Variants in FBXO36 observed in about 807,000 individuals in gnomAD.
The protein encoded by FBXO36 is F-box only protein 36.
Under a neutral mutation model 17.0 loss-of-function variants are expected in FBXO36, and 18 were observed. The observed-to-expected ratio is 1.06, with a 90% CI of 0.73 to 1.57. The LOEUF (loss-of-function observed/expected upper bound fraction) is 1.57. FBXO36 is among the 40% of genes most tolerant of loss of function. The pLI is 0.00. For missense variants in FBXO36, 229 were observed against 221.9 expected (o/e 1.03, Z -0.20); for synonymous variants, 83 against 85.3 (o/e 0.97, Z 0.15).
chr2:229,958,375 A>G (rs1309521482), intron 1 of FBXO36, among the ~76,000 whole-genome samples: 4 of 148,924 alleles, frequency 2.7e-5, no homozygotes, highest in African/African-American at 1.0e-4. Flanking sequence ...GGTTCAAGCA[A>G]TTTTCCTGCG....
chr2:229,960,532 CCA>C (rs1381865392), intron 1 of FBXO36, among the ~76,000 whole-genome samples: 8 of 152,016 alleles, frequency 5.3e-5, no homozygotes, highest in African/African-American at 1.7e-4. Context: ...ACTCTGTCGC[CCA>C]CACAGCAGTG....
chr2:229,966,358 T>G (rs1292992941), intron 1 of FBXO36, among the ~76,000 whole-genome samples: 1 of 152,214 alleles, frequency 6.6e-6, no homozygotes, highest in African/African-American at 2.4e-5. Flanking sequence ...TAGTTTCTTT[T>G]GCTGTGCAGA....
chr2:229,945,700 A>G (rs987856283), intron 1 of FBXO36, among the ~76,000 whole-genome samples: 17 of 152,132 alleles, frequency 1.1e-4, no homozygotes, highest in African/African-American at 4.1e-4. Context: ...TCAGTTCAGA[A>G]ATATTCTTGT....
intron 2 of FBXO36, among the ~76,000 whole-genome samples, chr2:229,983,826 A>G (rs985638034): frequency 1.3e-5 from 2 of 152,180 alleles, no homozygotes; most frequent in South Asian, 4.1e-4. Flanking sequence ...GATAATGGGA[A>G]TAATAATGGC....
At chr2:230,009,999 C>T (rs560327377) in intron 3 of FBXO36, among the ~76,000 whole-genome samples, 4 of 152,036 alleles carry the variant, frequency 2.6e-5, no homozygotes, top group South Asian at 4.2e-4. Context: ...CAGTGGCTCA[C>T]GCCTGTAATC....
intron 1 of FBXO36, among the ~76,000 whole-genome samples, chr2:229,934,391 ACT>A (rs1457172567): frequency 2.0e-5 from 3 of 152,028 alleles, no homozygotes; most frequent in African/African-American, 7.2e-5. Context: ...ACAGAGCGAG[ACT>A]CTGTCTCAAA....
intron 1 of FBXO36, among the ~76,000 whole-genome samples, chr2:229,949,782 G>T (rs1220737305): frequency 6.6e-6 from 1 of 152,042 alleles, no homozygotes; most frequent in Non-Finnish European, 1.5e-5. Context: ...AAAATTAGCC[G>T]GGCGTGGTGG....
At chr2:229,940,243 G>A (rs1352633871) in intron 1 of FBXO36, among the ~76,000 whole-genome samples, 2 of 152,150 alleles carry the variant, frequency 1.3e-5, no homozygotes, top group Admixed American at 6.6e-5. Flanking sequence ...TCCTAAATAT[G>A]ACTTTTAAAC....
intron 1 of FBXO36, among the ~76,000 whole-genome samples, chr2:229,925,738 G>A (rs1377492977): frequency 1.3e-5 from 2 of 152,084 alleles, no homozygotes. Context: ...TACCACCACT[G>A]ACATAGTCCA....
intron 2 of FBXO36, among the ~76,000 whole-genome samples, chr2:229,995,259 A>T (rs564909015): frequency 3.7e-4 from 57 of 152,366 alleles, no homozygotes; most frequent in Admixed American, 1.8e-3. Flanking sequence ...ACATTTAAAC[A>T]TCTATCCTTC....
intron 1 of FBXO36, among the ~76,000 whole-genome samples, chr2:229,971,917 A>G (rs1203867833): frequency 6.7e-6 from 1 of 149,928 alleles, no homozygotes; most frequent in Non-Finnish European, 1.5e-5. Flanking sequence ...GGCCCAAGTG[A>G]TCCTCCTGCC....
chr2:229,971,991 CTTTTTTTTT>C (rs918029152), intron 1 of FBXO36, among the ~76,000 whole-genome samples: 29 of 104,044 alleles, frequency 2.8e-4, no homozygotes, highest in Non-Finnish European at 4.9e-4. Flanking sequence ...GTATCCAATT[CTTTTTTTTT>C]TTTTTTTTTT....
intron 1 of FBXO36, among the ~76,000 whole-genome samples, chr2:229,940,128 T>C (rs1028326757): frequency 2.6e-5 from 4 of 152,206 alleles, no homozygotes; most frequent in African/African-American, 4.8e-5. Flanking sequence ...GCAACATTTT[T>C]AATGCTTTTA....
intron 1 of FBXO36, 28 bp downstream of exon 1, chr2:229,922,637 C>T (rs771344759): frequency 5.6e-6 from 9 of 1,609,756 alleles, no homozygotes; most frequent in East Asian, 4.5e-5. Flanking sequence ...TTTACCCTCT[C>T]TCCTAACTCC....
At chr2:229,972,991 G>T (rs1051928017) in intron 1 of FBXO36, among the ~76,000 whole-genome samples, 1 of 151,880 alleles carries the variant, frequency 6.6e-6, no homozygotes, top group African/African-American at 2.4e-5. Flanking sequence ...GAACCTGGGA[G>T]GCAGAGGTTG....
At chr2:230,002,470 AC>A (rs1366319892) in intron 3 of FBXO36, among the ~76,000 whole-genome samples, 1 of 150,596 alleles carries the variant, frequency 6.6e-6, no homozygotes, top group Non-Finnish European at 1.5e-5. Context: ...TGCAACCTCC[AC>A]CCCCTGGGCT....
At chr2:229,935,939 G>A (rs1284415506) in intron 1 of FBXO36, among the ~76,000 whole-genome samples, 1 of 152,164 alleles carries the variant, frequency 6.6e-6, no homozygotes, top group Admixed American at 6.5e-5. Flanking sequence ...TGTAATCCCA[G>A]GACTTTGGGA....
chr2:229,942,398 C>CT (rs1384151348), intron 1 of FBXO36, among the ~76,000 whole-genome samples: 1 of 152,096 alleles, frequency 6.6e-6, no homozygotes, highest in Admixed American at 6.6e-5. Context: ...TCTTGTGTGT[C>CT]TTTACCTACC....
At chr2:229,930,201 C>T (rs1464234041) in intron 1 of FBXO36, among the ~76,000 whole-genome samples, 1 of 152,162 alleles carries the variant, frequency 6.6e-6, no homozygotes, top group Non-Finnish European at 1.5e-5. Flanking sequence ...AAATAATTAG[C>T]TGTGCATGGT....
Sources: gnomAD v4.1 joint callset for allele counts (sites outside exome capture counted in the v4.1 genomes callset) on GRCh38, gnomAD v4.1.1 for gene constraint, MANE v1.5 for transcripts, NCBI Gene and HGNC (gene_info 2026-07-23, HGNC 2026-07-21) for gene names.